The following FYN variants were observed in gnomAD, a reference collection of about 807,000 sequenced individuals.
FYN encodes the protein tyrosine-protein kinase Fyn.
A neutral mutation model predicts 70.2 loss-of-function variants in FYN; 10 were observed. The observed-to-expected ratio is 0.14, with a 90% CI of 0.09 to 0.24. FYN has a LOEUF of 0.24. FYN is among the 10% of genes least tolerant of loss of function. The probability of loss-of-function intolerance (pLI) is 1.00; values close to 1 mark genes in which losing one functional copy is unlikely to be tolerated. For synonymous variants in FYN, 236 were observed against 248.6 expected, an observed-to-expected ratio of 0.95 and a Z score of 0.48; for missense variants, 319 against 673.1, an observed-to-expected ratio of 0.47 and a Z score of 5.82.
intron 3 of FYN, among the ~76,000 whole-genome samples, chr6:111,776,526 T>C (rs1045159558): frequency 1.3e-5 from 2 of 152,134 alleles, no homozygotes; most frequent in African/African-American, 2.4e-5. Context: ...CCAGAATACA[T>C]TTTCATAGCA....
chr6:111,853,873 CAT>C (rs1221712866), intron 1 of FYN, among the ~76,000 whole-genome samples: 18 of 152,130 alleles, frequency 1.2e-4, no homozygotes, highest in Non-Finnish European at 1.6e-4. Flanking sequence ...CCTGCTTTGT[CAT>C]ATAGATTTTT....
At chr6:111,870,641 T>C (rs1357302940) in intron 1 of FYN, among the ~76,000 whole-genome samples, 1 of 152,204 alleles carries the variant, frequency 6.6e-6, no homozygotes, top group Admixed American at 6.5e-5. Flanking sequence ...CGAAACATAA[T>C]GCCTGCTGCC....
At chr6:111,839,004 T>C (rs948442411) in intron 2 of FYN, among the ~76,000 whole-genome samples, 1 of 152,210 alleles carries the variant, frequency 6.6e-6, no homozygotes, top group African/African-American at 2.4e-5. Flanking sequence ...GGGGCCTACC[T>C]CATTTCAGTA....
intron 3 of FYN, among the ~76,000 whole-genome samples, chr6:111,723,242 A>G (rs192801141): frequency 1.7e-4 from 26 of 152,354 alleles, no homozygotes; most frequent in African/African-American, 6.3e-4. Flanking sequence ...AATTTTATGA[A>G]GTAATAGAGA....
chr6:111,698,562 T>C (rs1428117780), intron 9 of FYN, among the ~76,000 whole-genome samples: 31 of 152,232 alleles, frequency 2.0e-4, no homozygotes, highest in Non-Finnish European at 2.9e-5. Context: ...AGTATTAATA[T>C]TGTTTTACTG....
At chr6:111,827,658 C>A (rs983312848) in intron 2 of FYN, among the ~76,000 whole-genome samples, 3 of 152,068 alleles carry the variant, frequency 2.0e-5, no homozygotes, top group African/African-American at 7.2e-5. Flanking sequence ...CTGCCCATGC[C>A]CCCACATACC....
At chr6:111,803,069 C>T (rs528555902) in intron 2 of FYN, among the ~76,000 whole-genome samples, 17 of 152,172 alleles carry the variant, frequency 1.1e-4, no homozygotes, top group Non-Finnish European at 2.5e-4. Context: ...AAAAAGCCTC[C>T]ACCTGCTTTG....
intron 3 of FYN, among the ~76,000 whole-genome samples, chr6:111,779,372 G>A (rs911468720): frequency 1.1e-4 from 16 of 152,074 alleles, no homozygotes; most frequent in Admixed American, 9.8e-4. Context: ...TGAAGGCTAC[G>A]TAATAAGCAT....
chr6:111,706,092 T>A (rs965166174), intron 6 of FYN, among the ~76,000 whole-genome samples: 2 of 152,244 alleles, frequency 1.3e-5, no homozygotes, highest in South Asian at 4.1e-4. Flanking sequence ...AATGATACTC[T>A]GTGCCACTTT....
At chr6:111,674,114 G>T (rs866999833) in intron 13 of FYN, among the ~76,000 whole-genome samples, 1 of 152,114 alleles carries the variant, frequency 6.6e-6, no homozygotes, top group Admixed American at 6.5e-5. Context: ...AAAAGCAGTG[G>T]GGCTTTTCTC....
chr6:111,773,952 C>A (rs903267016), intron 3 of FYN, among the ~76,000 whole-genome samples: 1 of 152,190 alleles, frequency 6.6e-6, no homozygotes, highest in Admixed American at 6.5e-5. Flanking sequence ...ATAGGTATGA[C>A]GTTTAAGATA....
chr6:111,749,382 T>C (rs1802387296), intron 3 of FYN, among the ~76,000 whole-genome samples: 2 of 152,358 alleles, frequency 1.3e-5, no homozygotes, highest in Non-Finnish European at 1.5e-5. Context: ...GCTTGCTCTA[T>C]GTACCCCAAT....
intron 6 of FYN, 37 bp from the exon 7 acceptor site, chr6:111,704,139 T>G (rs755546092): frequency 6.4e-7 from 1 of 1,562,462 alleles, no homozygotes; most frequent in Non-Finnish European, 8.8e-7. Flanking sequence ...TATTTTGAAA[T>G]AGTCATTTAC....
chr6:111,759,390 C>T (rs1236934185), intron 3 of FYN, among the ~76,000 whole-genome samples: 1 of 152,180 alleles, frequency 6.6e-6, no homozygotes, highest in African/African-American at 2.4e-5. Flanking sequence ...ATGCTTGTCT[C>T]ATCCTTAAGA....
intron 2 of FYN, chr6:111,798,365 G>T (rs1332985467): frequency 6.6e-6 from 1 of 152,126 alleles, no homozygotes; most frequent in Admixed American, 6.5e-5. Flanking sequence ...CTGCAAAGAG[G>T]TTTCAAAACA....
intron 12 of FYN, among the ~76,000 whole-genome samples, chr6:111,690,046 CTA>C (rs1003085964): frequency 6.6e-6 from 1 of 152,204 alleles, no homozygotes; most frequent in Non-Finnish European, 1.5e-5. Context: ...GAAGAAAAAA[CTA>C]GAGTCTGCAG....
At chr6:111,807,399 G>A (rs755361225) in intron 2 of FYN, among the ~76,000 whole-genome samples, 8 of 152,152 alleles carry the variant, frequency 5.3e-5, no homozygotes, top group Non-Finnish European at 1.2e-4. Flanking sequence ...TGTTAACAAG[G>A]AGTTAAAAGA....
intron 2 of FYN, among the ~76,000 whole-genome samples, chr6:111,810,704 T>C (rs1036287715): frequency 2.0e-5 from 3 of 152,174 alleles, no homozygotes; most frequent in African/African-American, 7.2e-5. Context: ...CTTCCACACA[T>C]GCCTACACAC....
intron 2 of FYN, among the ~76,000 whole-genome samples, chr6:111,810,582 T>C (rs1429336879): frequency 2.6e-5 from 4 of 152,228 alleles, no homozygotes; most frequent in Admixed American, 2.6e-4. Flanking sequence ...TTTATGTTCA[T>C]GTTCCTTTCA....
Sources: allele counts gnomAD v4.1 joint callset (sites outside exome capture counted in the v4.1 genomes callset), GRCh38; gene constraint gnomAD v4.1.1; transcripts MANE v1.5; gene names NCBI Gene and HGNC (gene_info 2026-07-23, HGNC 2026-07-21).